HMCN1: variants seen among roughly 807,000 people sequenced by gnomAD.
HMCN1 encodes the protein hemicentin 1.
HMCN1 carries 321 observed loss-of-function variants against 625.9 expected under a neutral mutation model. That is an observed-to-expected ratio of 0.51 (90% CI 0.47 to 0.56). The LOEUF is 0.56. HMCN1 is among the 20% of genes least tolerant of loss of function. The probability of loss-of-function intolerance (pLI) is 0.00; values close to 1 mark genes in which losing one functional copy is unlikely to be tolerated. For missense variants in HMCN1, 6,588 were observed against 6,887.3 expected (o/e 0.96, Z 1.54); for synonymous variants, 2,425 against 2,417.6 (o/e 1.00, Z -0.09).
intron 100 of HMCN1, among the ~76,000 whole-genome samples, chr1:186,167,587 AGT>A (rs1200338150): frequency 6.6e-6 from 1 of 152,222 alleles, no homozygotes; most frequent in African/African-American, 2.4e-5. Flanking sequence ...CCACCATGAT[AGT>A]GTGGTACAGA....
At chr1:186,016,493 A>G (rs147262170) in intron 32 of HMCN1, among the ~76,000 whole-genome samples, 7 of 152,168 alleles carry the variant, frequency 4.6e-5, no homozygotes, top group African/African-American at 1.4e-4. Flanking sequence ...TTTTACGTCT[A>G]TGACAATGTC....
intron 93 of HMCN1, among the ~76,000 whole-genome samples, chr1:186,150,764 A>C: frequency 6.6e-6 from 1 of 152,036 alleles, no homozygotes; most frequent in Non-Finnish European, 1.5e-5. Flanking sequence ...ATAAGGAGAA[A>C]GTTGCTTAAT....
intron 75 of HMCN1, 135 bp from the exon 76 acceptor site, chr1:186,116,859 G>A: frequency 1.0e-6 from 1 of 983,598 alleles, no homozygotes; most frequent in Non-Finnish European, 1.6e-6. Context: ...TTGGCCTCAG[G>A]GACATGATGT....
intron 8 of HMCN1, 65 bp from the exon 9 acceptor site, chr1:185,924,982 G>A (rs1191926612): frequency 2.2e-6 from 3 of 1,340,312 alleles, no homozygotes; most frequent in Non-Finnish European, 3.1e-6. Flanking sequence ...TTAAGAGGCA[G>A]TACTTAACAT....
intron 2 of HMCN1, among the ~76,000 whole-genome samples, chr1:185,852,353 A>T (rs1003274019): frequency 6.6e-6 from 1 of 151,958 alleles, no homozygotes; most frequent in Non-Finnish European, 1.5e-5. Flanking sequence ...TATGAATTTT[A>T]AAAAAACATA....
intron 30 of HMCN1, among the ~76,000 whole-genome samples, chr1:186,008,738 G>A (rs10798027): frequency 6.6e-6 from 1 of 151,894 alleles, no homozygotes; most frequent in East Asian, 1.9e-4. Flanking sequence ...GATACTTTAC[G>A]TGGATTATTG....
At chr1:185,881,477 C>T (rs150448260) in intron 4 of HMCN1, among the ~76,000 whole-genome samples, 2 of 152,298 alleles carry the variant, frequency 1.3e-5, no homozygotes, top group East Asian at 3.9e-4. Flanking sequence ...TTCTCTCTGC[C>T]AGCTGAGTCT....
At position 185,999,920 on chromosome 1, in the gene HMCN1, T is replaced by A. The variant is rs146550178; in HGVS notation, c.3875-125T>A. The stretch of plus-strand genomic sequence containing the variant: ...CATGCCAGGAGAAATATCTTGAAGG[T>A]AGCATAGGACCTAAGGTTATAAATT... On this transcript the variant is annotated intron_variant, in intron 25 of 106. Transcript: ENST00000271588. The A allele has an allele frequency of 4.9e-3, 3,202 of 648,546 alleles. 158 individuals are homozygous for A. In the Admixed American group the frequency reaches 0.082, roughly 17 times the overall value. 40.2% of individuals were successfully genotyped at this position (648,546 alleles called of 1,614,324 possible). A position where few individuals can be genotyped will look rare whatever the true frequency, so the allele number is the denominator to read the frequency against.
At chr1:186,081,064 A>G (rs1659140496) in intron 55 of HMCN1, 143 bp from the exon 56 acceptor site, 2 of 780,844 alleles carry the variant, frequency 2.6e-6, no homozygotes, top group Non-Finnish European at 4.6e-6. Context: ...TTAGTATAAA[A>G]TGTTACCTGG....
At chr1:185,791,993 A>G (rs1310519113) in intron 1 of HMCN1, among the ~76,000 whole-genome samples, 1 of 152,230 alleles carries the variant, frequency 6.6e-6, no homozygotes, top group Non-Finnish European at 1.5e-5. Context: ...CATTCATCAA[A>G]TGCCTACTAT....
chr1:185,916,422 G>T (rs1666708232), intron 6 of HMCN1, among the ~76,000 whole-genome samples: 1 of 152,106 alleles, frequency 6.6e-6, no homozygotes, highest in African/African-American at 2.4e-5. Context: ...ACCCAATATT[G>T]TCATGGTTAA....
intron 68 of HMCN1, among the ~76,000 whole-genome samples, chr1:186,098,034 T>A (rs1237270641): frequency 6.6e-6 from 1 of 152,054 alleles, no homozygotes; most frequent in Non-Finnish European, 1.5e-5. Flanking sequence ...TATCTTTCAC[T>A]GTATACAAAA....
intron 89 of HMCN1, among the ~76,000 whole-genome samples, chr1:186,141,627 G>A (rs1224214364): frequency 6.6e-6 from 1 of 152,186 alleles, no homozygotes; most frequent in Non-Finnish European, 1.5e-5. Flanking sequence ...TCTGAAAACT[G>A]TTGAGAACTT....
At position 186,064,589 on chromosome 1, in the gene HMCN1, C is replaced by A. The variant is rs184415150; in HGVS notation, c.7514-649C>A. Reference sequence around the variant, plus strand: ...CTTTGGGAGGCCGAGGCAGGTGGATCACAAGGTCAGGAGATCAAGACCATC... The same window carrying A: ...CTTTGGGAGGCCGAGGCAGGTGGATAACAAGGTCAGGAGATCAAGACCATC... On this transcript the variant is annotated intron_variant, in intron 48 of 106. Transcript: ENST00000271588. 2.0e-3 allele frequency among the ~76,000 whole-genome samples: 306 copies of A among 152,064 alleles called. 12 individuals carry two copies. In the South Asian group the frequency reaches 0.041, roughly 21 times the overall value.
At chr1:185,738,537 C>A (rs538343772) in intron 1 of HMCN1, among the ~76,000 whole-genome samples, 1 of 152,260 alleles carries the variant, frequency 6.6e-6, no homozygotes, top group Admixed American at 6.5e-5. Flanking sequence ...GTATGATATA[C>A]CACATTTTGT....
chr1:186,077,049 T>G (rs1202858763), intron 54 of HMCN1, among the ~76,000 whole-genome samples: 1 of 152,164 alleles, frequency 6.6e-6, no homozygotes, highest in East Asian at 1.9e-4. Context: ...AATTGTTATC[T>G]GGTTTATTGA....
At position 186,088,323 on chromosome 1, in the gene HMCN1, G is replaced by T. The variant is rs555285185; in HGVS notation, c.9577+47G>T. The stretch of plus-strand genomic sequence containing the variant: ...GTGTGTGTGTGTGTTTTTTTCTCTT[G>T]CTCTTAATTCACTAGACTTTTAAAC... On this transcript the variant is annotated intron_variant, in intron 62 of 106. Coordinates refer to ENST00000271588, the MANE Select transcript of HMCN1 (RefSeq NM_031935.3). The T allele has an allele frequency of 3.1e-6, 5 of 1,610,346 alleles. No homozygotes were observed. In the African/African-American group the frequency reaches 5.3e-5, roughly 17 times the overall value.
chr1:185,834,984 T>C (rs985779798), intron 1 of HMCN1, among the ~76,000 whole-genome samples: 1 of 152,176 alleles, frequency 6.6e-6, no homozygotes, highest in Admixed American at 6.5e-5. Context: ...CTAGATTATG[T>C]TGGAAACAGT....
chr1:186,151,570 T>G (rs1308216124), intron 94 of HMCN1, 36 bp from the exon 95 acceptor site: 2 of 1,588,996 alleles, frequency 1.3e-6, no homozygotes, highest in Non-Finnish European at 1.7e-6. Context: ...GACTAAAAAT[T>G]TTGCTATCAC....
Sources: gnomAD v4.1 joint callset for allele counts (sites outside exome capture counted in the v4.1 genomes callset) on GRCh38, gnomAD v4.1.1 for gene constraint, MANE v1.5 for transcripts, NCBI Gene and HGNC (gene_info 2026-07-23, HGNC 2026-07-21) for gene names.